The following DNAH14 variants were observed in gnomAD, a reference collection of about 807,000 sequenced individuals.
DNAH14 encodes dynein axonemal heavy chain 14.
A neutral mutation model predicts 520.9 loss-of-function variants in DNAH14; 478 were observed. That is an observed-to-expected ratio of 0.92 (90% CI 0.85 to 0.99). The LOEUF (loss-of-function observed/expected upper bound fraction) is 0.99, where lower values mean the gene tolerates loss of function less well. Among genes scored for constraint, DNAH14 ranks in the 50% least tolerant of loss-of-function variants. The pLI is 0.00. For synonymous variants in DNAH14, 1,581 were observed against 1,757.2 expected, an observed-to-expected ratio of 0.90 and a Z score of 2.51; for missense variants, 4,831 against 5,234.5, an observed-to-expected ratio of 0.92 and a Z score of 2.38.
At chr1:225,165,222 A>G (rs1378386513) in intron 35 of DNAH14, among the ~76,000 whole-genome samples, 1 of 152,120 alleles carries the variant, frequency 6.6e-6, no homozygotes, top group Non-Finnish European at 1.5e-5. Flanking sequence ...GAAGAAGGTC[A>G]ATGTCACTTC....
chr1:225,038,855 A>AT (rs1319266627), intron 12 of DNAH14, 32 bp downstream of exon 12: 8 of 1,432,292 alleles, frequency 5.6e-6, no homozygotes, highest in Admixed American at 6.5e-5. Flanking sequence ...ATAAACATAG[A>AT]TTTTTTGCTA....
intron 73 of DNAH14, among the ~76,000 whole-genome samples, chr1:225,358,040 TAAAG>T (rs1299229656): frequency 2.0e-5 from 3 of 152,338 alleles, no homozygotes; most frequent in African/African-American, 7.2e-5. Context: ...CTTAAACATA[TAAAG>T]ATTGTGCCAT....
intron 64 of DNAH14, among the ~76,000 whole-genome samples, chr1:225,331,229 T>A (rs2094790979): frequency 6.6e-6 from 1 of 152,118 alleles, no homozygotes; most frequent in Non-Finnish European, 1.5e-5. Context: ...AGAAGCAAGA[T>A]GGCATTTAAA....
chr1:225,275,636 C>T lies in DNAH14; in HGVS notation c.8011-278C>T, dbSNP rs544665355. ...ACCTGGGATCCACAGACCCTCAAAGCGTTCTTAAATAAAACCATATTCTAA... is the reference window on the plus strand; with the variant it reads ...ACCTGGGATCCACAGACCCTCAAAGTGTTCTTAAATAAAACCATATTCTAA... On this transcript the variant is annotated intron_variant, in intron 52 of 85. Coordinates refer to ENST00000682510, the MANE Select transcript of DNAH14 (RefSeq NM_001367479.1). Among the ~76,000 whole-genome samples the T allele has an allele frequency of 2.0e-5, 3 of 152,240 alleles. No individual in the cohort carries two copies. In the South Asian group the frequency reaches 6.2e-4, roughly 32 times the overall value.
intron 42 of DNAH14, 44 bp downstream of exon 42, chr1:225,231,195 G>T (rs147834875): frequency 6.7e-6 from 9 of 1,346,114 alleles, no homozygotes; most frequent in Non-Finnish European, 9.1e-6. Flanking sequence ...TAACCATTAG[G>T]TGCCAGACCC....
Position 225,182,958 on chromosome 1 carries a change from G to A in DNAH14, c.5536-2333G>A, listed in dbSNP as rs544638186. On this transcript the variant is annotated intron_variant, in intron 36 of 85. Coordinates refer to ENST00000682510, the MANE Select transcript of DNAH14 (RefSeq NM_001367479.1). ...ATGCCAATTCTGTGCTGATCTGGCA[G>A]GCTGGGGGATTTGGGTGTGGCCCTG... Among the ~76,000 whole-genome samples, 6 of 152,310 alleles carry A rather than the reference G, an allele frequency of 3.9e-5. No individual in the cohort carries two copies. The East Asian group carries it at 1.2e-3, about 29-fold the overall frequency.
chr1:225,028,003 T>C (rs1020497853), intron 11 of DNAH14, among the ~76,000 whole-genome samples: 2 of 152,146 alleles, frequency 1.3e-5, no homozygotes, highest in Non-Finnish European at 2.9e-5. Context: ...TTTTAGTTTA[T>C]TATCCTTTGT....
At chr1:225,075,685 T>TA (rs974086367) in intron 17 of DNAH14, among the ~76,000 whole-genome samples, 2 of 151,352 alleles carry the variant, frequency 1.3e-5, no homozygotes, top group East Asian at 3.9e-4. Flanking sequence ...ACCCTACCTC[T>TA]AAAAAAAAAG....
At chr1:225,313,408 T>C (rs2094408888) in intron 60 of DNAH14, among the ~76,000 whole-genome samples, 1 of 152,238 alleles carries the variant, frequency 6.6e-6, no homozygotes, top group Admixed American at 6.5e-5. Context: ...GATTCATAGA[T>C]GTTTTGAAGG....
intron 51 of DNAH14, 112 bp downstream of exon 51, chr1:225,272,185 G>T (rs2093333416): frequency 1.8e-6 from 2 of 1,093,312 alleles, no homozygotes. Flanking sequence ...ATGTTGGTTA[G>T]TTTTGCTATT....
chr1:224,948,556 G>A (rs1276222046), intron 1 of DNAH14, among the ~76,000 whole-genome samples: 1 of 151,366 alleles, frequency 6.6e-6, no homozygotes, highest in African/African-American at 2.4e-5. Context: ...CATTTATATT[G>A]ATTATAATTA....
At chr1:224,988,388 C>T (rs948241574) in intron 8 of DNAH14, among the ~76,000 whole-genome samples, 3 of 152,082 alleles carry the variant, frequency 2.0e-5, no homozygotes, top group Non-Finnish European at 4.4e-5. Context: ...CATCACTGAA[C>T]GTTAAGAGAA....
chr1:225,153,816 G>T lies in DNAH14; in HGVS notation c.5263G>T (p.Glu1755Ter). The change falls in exon 34 of 86, where the codon GAG (glutamate) becomes TAG (stop). Residue 1755 changes from glutamate to a stop codon, truncating the protein, a stop_gained. Coordinates refer to ENST00000682510, the MANE Select transcript of DNAH14 (RefSeq NM_001367479.1). LOFTEE classifies it high-confidence loss of function. The part of the protein sequence containing the change: ...VLIMAGTKKR[E>*]FKCDTSDSLS... ...AATAATGGCTGGAACGAAGAAACGG[G>T]AGTTTAAATGGTCAGTTGAATTTTG... is the stretch of plus-strand genomic sequence containing the variant. The T allele has an allele frequency of 6.5e-7, 1 of 1,549,568 alleles. No homozygotes were observed. Among genetic ancestry groups the T allele is most frequent in the Non-Finnish European group, 8.7e-7 (1 of 1,145,640 alleles).
Position 225,388,192 on chromosome 1 carries a change from T to C in DNAH14, c.13078-187T>C, listed in dbSNP as rs535491242. 3.3e-5 allele frequency among the ~76,000 whole-genome samples: 5 copies of C among 152,330 alleles called. No individual in the cohort carries two copies. The South Asian group carries it at 1.0e-3, about 32-fold the overall frequency. ...CGTTTTATCCAAAGCACTGTTAAGA[T>C]AATGTTGTTTTGCCCTGGTAATAAG... On this transcript the variant is annotated intron_variant, in intron 81 of 85. Coordinates refer to ENST00000682510, the MANE Select transcript of DNAH14 (RefSeq NM_001367479.1).
At chr1:225,239,088 A>C (rs1258369750) in intron 42 of DNAH14, among the ~76,000 whole-genome samples, 3 of 152,172 alleles carry the variant, frequency 2.0e-5, no homozygotes, top group Non-Finnish European at 4.4e-5. Context: ...ATTCCAAGTC[A>C]GTGGGTCTTA....
At chr1:225,049,760 GTCTATCTATCTACCTATCTA>G (rs569759431) in intron 15 of DNAH14, among the ~76,000 whole-genome samples, 6,242 of 134,682 alleles carry the variant, frequency 0.046, 209 homozygotes, top group Non-Finnish European at 0.067. Context: ...TTATCTATCT[GTCTATCTATCTACCTATCTA>G]TCTATCTATC....
chr1:225,026,143 T>C (rs77248097), intron 11 of DNAH14, among the ~76,000 whole-genome samples: 8,374 of 152,094 alleles, frequency 0.055, 475 homozygotes, highest in East Asian at 0.24. Context: ...TTATTTGTCT[T>C]TTGATTGCTG....
intron 23 of DNAH14, among the ~76,000 whole-genome samples, chr1:225,107,511 A>G (rs1020419340): frequency 6.6e-6 from 1 of 152,134 alleles, no homozygotes; most frequent in Non-Finnish European, 1.5e-5. Flanking sequence ...CTTAGACAAA[A>G]CGACATGGAC....
intron 36 of DNAH14, among the ~76,000 whole-genome samples, chr1:225,171,207 G>C (rs1467099759): frequency 6.6e-6 from 1 of 152,058 alleles, no homozygotes; most frequent in Admixed American, 6.5e-5. Context: ...ACAATTAAAA[G>C]AACTAGAGAA....
Sources: gnomAD v4.1 joint callset for allele counts (sites outside exome capture counted in the v4.1 genomes callset) on GRCh38, gnomAD v4.1.1 for gene constraint, MANE v1.5 for transcripts, NCBI Gene and HGNC (gene_info 2026-07-23, HGNC 2026-07-21) for gene names.